LUZP2: variants seen among roughly 807,000 people sequenced by gnomAD.
The protein encoded by LUZP2 is leucine zipper protein 2.
LUZP2 carries 52 observed loss-of-function variants against 51.6 expected under a neutral mutation model. The observed-to-expected ratio is 1.01, with a 90% CI of 0.81 to 1.27. The LOEUF (loss-of-function observed/expected upper bound fraction) is 1.27. Among genes scored for constraint, LUZP2 ranks in the 50% most tolerant of loss-of-function variants. The pLI, the probability that LUZP2 is intolerant of heterozygous loss-of-function variation, is 0.00. For synonymous variants in LUZP2, 154 were observed against 137.3 expected (o/e 1.12, Z -0.85); for missense variants, 436 against 395.4 (o/e 1.10, Z -0.87).
intron 1 of LUZP2, among the ~76,000 whole-genome samples, chr11:24,682,572 ATT>A (rs1856771799): frequency 7.3e-6 from 1 of 137,610 alleles, no homozygotes; most frequent in Non-Finnish European, 1.6e-5. Context: ...ACCCTACTGA[ATT>A]TATATATATA....
intron 5 of LUZP2, among the ~76,000 whole-genome samples, chr11:24,895,765 G>T (rs1853022240): frequency 1.3e-5 from 2 of 152,178 alleles, no homozygotes; most frequent in African/African-American, 4.8e-5. Flanking sequence ...CTAAGATGAT[G>T]CCATGTCTTT....
chr11:24,539,556 A>G (rs1851290088), intron 1 of LUZP2, among the ~76,000 whole-genome samples: 1 of 151,934 alleles, frequency 6.6e-6, no homozygotes, highest in Non-Finnish European at 1.5e-5. Context: ...TCCTCCCCTT[A>G]CCGATTTTGA....
chr11:24,905,292 G>A (rs542351854), intron 5 of LUZP2, among the ~76,000 whole-genome samples: 6 of 152,208 alleles, frequency 3.9e-5, no homozygotes, highest in Non-Finnish European at 5.9e-5. Context: ...TTGTGAGGCC[G>A]AGGCAGGCCG....
chr11:24,778,525 A>T (rs1169901803), intron 5 of LUZP2, among the ~76,000 whole-genome samples: 1 of 152,190 alleles, frequency 6.6e-6, no homozygotes, highest in East Asian at 1.9e-4. Flanking sequence ...TAAAACTTGA[A>T]TTCTTAGATT....
chr11:25,026,620 T>G (rs1218641843), intron 9 of LUZP2, among the ~76,000 whole-genome samples: 1 of 152,050 alleles, frequency 6.6e-6, no homozygotes. Context: ...CCTCTATTAT[T>G]TACTTGCTTT....
At chr11:25,072,548 G>A (rs1859187718) in intron 10 of LUZP2, among the ~76,000 whole-genome samples, 1 of 152,110 alleles carries the variant, frequency 6.6e-6, no homozygotes, top group Admixed American at 6.6e-5. Flanking sequence ...GGAAGCAAAA[G>A]TTACTGCAAT....
intron 1 of LUZP2, among the ~76,000 whole-genome samples, chr11:24,601,946 G>GTATATATA (rs1454517393): frequency 7.8e-6 from 1 of 127,766 alleles, no homozygotes; most frequent in African/African-American, 3.1e-5. Context: ...ATGTATATAT[G>GTATATATA]TATAAATGTA....
intron 1 of LUZP2, among the ~76,000 whole-genome samples, chr11:24,585,021 T>G (rs1853012251): frequency 6.6e-6 from 1 of 152,186 alleles, no homozygotes. Context: ...AGGAATTATT[T>G]TCTCACAGCC....
At chr11:24,550,192 C>T (rs1488615996) in intron 1 of LUZP2, among the ~76,000 whole-genome samples, 1 of 152,004 alleles carries the variant, frequency 6.6e-6, no homozygotes, top group African/African-American at 2.4e-5. Flanking sequence ...ATACTAATTG[C>T]TATAAATGTC....
chr11:24,707,116 C>G (rs1237201531), intron 1 of LUZP2, among the ~76,000 whole-genome samples: 1 of 151,900 alleles, frequency 6.6e-6, no homozygotes, highest in Admixed American at 6.6e-5. Context: ...GTATGTACAA[C>G]AGTCCTTTGA....
intron 5 of LUZP2, among the ~76,000 whole-genome samples, chr11:24,843,048 G>C (rs867353185): frequency 1.3e-5 from 2 of 151,814 alleles, no homozygotes; most frequent in African/African-American, 2.4e-5. Flanking sequence ...TAATGAAAAA[G>C]AGGATGTAAG....
intron 7 of LUZP2, among the ~76,000 whole-genome samples, chr11:24,923,038 C>T (rs553293468): frequency 1.3e-3 from 204 of 151,474 alleles, no homozygotes; most frequent in Non-Finnish European, 2.6e-3. Flanking sequence ...TTGGTAGAGA[C>T]AGGGTTTCAC....
At chr11:24,751,301 A>AAT (rs1355008853) in intron 4 of LUZP2, among the ~76,000 whole-genome samples, 5 of 152,126 alleles carry the variant, frequency 3.3e-5, no homozygotes, top group African/African-American at 1.2e-4. Flanking sequence ...CACAGAAATG[A>AAT]ATATATATGT....
intron 1 of LUZP2, among the ~76,000 whole-genome samples, chr11:24,538,771 C>T (rs1851264961): frequency 6.6e-6 from 1 of 151,616 alleles, no homozygotes; most frequent in Non-Finnish European, 1.5e-5. Flanking sequence ...AAATATTTCA[C>T]AGCACTTTCA....
chr11:24,842,759 T>C (rs1851077638), intron 5 of LUZP2, among the ~76,000 whole-genome samples: 1 of 152,010 alleles, frequency 6.6e-6, no homozygotes, highest in Admixed American at 6.6e-5. Flanking sequence ...TTATATGTAA[T>C]GTTATTATAT....
chr11:24,581,973 C>T (rs995253263), intron 1 of LUZP2, among the ~76,000 whole-genome samples: 3 of 152,142 alleles, frequency 2.0e-5, no homozygotes, highest in Non-Finnish European at 2.9e-5. Flanking sequence ...TCCTCCTAAG[C>T]ACCGCCACCT....
chr11:24,783,010 C>T (rs756416056), intron 5 of LUZP2, among the ~76,000 whole-genome samples: 55 of 151,974 alleles, frequency 3.6e-4, no homozygotes, highest in Non-Finnish European at 6.0e-4. Context: ...GAATGAGGCA[C>T]TCAAATTTTC....
At chr11:25,031,012 TATA>T (rs1381726166) in intron 9 of LUZP2, among the ~76,000 whole-genome samples, 64 of 5,772 alleles carry the variant, frequency 0.011, 13 homozygotes, top group East Asian at 0.046. Flanking sequence ...TATATATATA[TATA>T]TTTTTTTTTT....
rs372519825 is a variant in LUZP2, at chr11:24,567,651, G to C, written c.62+70346G>C. Among the ~76,000 whole-genome samples, 21 of 152,076 alleles carry C rather than the reference G, an allele frequency of 1.4e-4. No homozygotes were observed. In the South Asian group the frequency reaches 3.7e-3, roughly 27 times the overall value. ...AAGAAGACTTCTTATCAGAAGCAAT[G>C]GTGGCCAGGAAGCAGTATGAAAAGA... On this transcript the variant is annotated intron_variant, in intron 1 of 11. Coordinates refer to ENST00000336930, the MANE Select transcript of LUZP2 (RefSeq NM_001009909.4).
Sources: gnomAD v4.1 joint callset for allele counts (sites outside exome capture counted in the v4.1 genomes callset) on GRCh38, gnomAD v4.1.1 for gene constraint, MANE v1.5 for transcripts, NCBI Gene and HGNC (gene_info 2026-07-23, HGNC 2026-07-21) for gene names.